Variants in CENPM observed in about 807,000 individuals in gnomAD.
CENPM encodes interphase centromere complex protein 39.
A neutral mutation model predicts 19.6 loss-of-function variants in CENPM; 14 were observed. That is an observed-to-expected ratio of 0.71 (90% confidence interval 0.47 to 1.11). The LOEUF (loss-of-function observed/expected upper bound fraction) is 1.11. Ranked by LOEUF, CENPM falls within the 50% of genes most tolerant of loss-of-function variation. The pLI is 0.00. For missense variants in CENPM, 239 were observed against 228.4 expected, an observed-to-expected ratio of 1.05 and a Z score of -0.30; for synonymous variants, 114 against 101.5, an observed-to-expected ratio of 1.12 and a Z score of -0.74.
chr22:41,930,077 G>A, the CENPM span, among the ~76,000 whole-genome samples: 1 of 151,000 alleles, frequency 6.6e-6, no homozygotes, highest in South Asian at 2.1e-4. Context: ...CCGAGTAGCT[G>A]GGACTACAGG....
At chr22:41,944,692 T>C in intron 4 of CENPM, 1 of 985,386 alleles carries the variant, frequency 1.0e-6, no homozygotes, top group Non-Finnish European at 1.2e-6. Context: ...CAGCAGGACT[T>C]TTTCAGAGAA....
At chr22:41,931,418 T>C in the CENPM span, among the ~76,000 whole-genome samples, 19 of 151,536 alleles carry the variant, frequency 1.3e-4, no homozygotes, top group African/African-American at 4.4e-4. Context: ...AGCCAGAGGT[T>C]ACAGTGAGCT....
the CENPM span, among the ~76,000 whole-genome samples, chr22:41,928,655 T>C: frequency 6.6e-6 from 1 of 151,890 alleles, no homozygotes; most frequent in East Asian, 1.9e-4. The surrounding 1 kb of genome is among the most constrained non-coding windows in gnomAD (Gnocchi z 4.0). Context: ...AAGGGGAGCC[T>C]GAGCTGCTCT....
At chr22:41,938,725 G>A (rs2077696438), downstream of CENPM, 1 of 247,362 alleles carries the variant, frequency 4.0e-6, no homozygotes, top group Non-Finnish European at 7.8e-6. Context: ...TCAAAGTGGT[G>A]AATGAGACCA....
chr22:41,944,088 G>C (rs2077770022), intron 4 of CENPM: 1 of 985,160 alleles, frequency 1.0e-6, no homozygotes, highest in Non-Finnish European at 1.2e-6. Flanking sequence ...GAGTTTTGAG[G>C]TATTTGTAGG....
At chr22:41,946,391 C>T (rs777531900) in intron 2 of CENPM, 26 bp downstream of exon 2, 2 of 1,603,458 alleles carry the variant, frequency 1.2e-6, no homozygotes, top group Non-Finnish European at 1.7e-6. Context: ...GACACGTGGG[C>T]CCAGGCCACA....
chr22:41,943,704 G>A lies in CENPM; in HGVS notation c.311-3C>T. On this transcript the variant is annotated splice_polypyrimidine_tract_variant and splice_region_variant and intron_variant, in intron 4 of 5. Coordinates refer to ENST00000215980, the MANE Select transcript of CENPM (RefSeq NM_024053.5). The stretch of plus-strand genomic sequence containing the variant: ...GCTGCAGTGGCTCTCCCGCCCAGCT[G>A]GAAAGAAGCCATGAGTGCTATAGCT... 6.2e-7 allele frequency: 1 copy of A among 1,613,002 alleles called. No individual in the cohort carries two copies.
In CENPM at chr22:41,947,134, T is replaced by G; in HGVS notation, c.-58A>C. 6.4e-7 allele frequency: 1 copy of G among 1,566,008 alleles called. No homozygotes were observed. Among genetic ancestry groups the G allele is most frequent in the Non-Finnish European group, 8.8e-7 (1 of 1,142,046 alleles). ...TGCGCGCCGATCTTTCAAACCGCCC[T>G]GAGTCCAGCCCCTAGAGCGCGGCCT... On this transcript the variant is annotated 5_prime_UTR_variant, in exon 1 of 6. Coordinates refer to ENST00000215980, the MANE Select transcript of CENPM (RefSeq NM_024053.5).
chr22:41,936,239 T>G (rs1176918307), downstream of CENPM, among the ~76,000 whole-genome samples: 2 of 152,230 alleles, frequency 1.3e-5, no homozygotes, highest in Non-Finnish European at 2.9e-5. Context: ...GGGCTGGCTC[T>G]GCTGCCAGTT....
chr22:41,940,106 T>C (rs772537601), intron 5 of CENPM: 124 of 755,184 alleles, frequency 1.6e-4, no homozygotes, highest in Non-Finnish European at 1.7e-4. Context: ...CCTTTGCTAT[T>C]GTGCTGCAGC....
In CENPM at chr22:41,939,316, A is replaced by G. The variant is rs1396728300; in HGVS notation, c.403-120T>C. 5 of 1,138,638 alleles carry G rather than the reference A, an allele frequency of 4.4e-6. No homozygotes were observed. In the East Asian group the frequency reaches 1.3e-4, roughly 30 times the overall value. 70.5% of individuals were successfully genotyped at this position (1,138,638 alleles called of 1,614,324 possible). On this transcript the variant is annotated intron_variant, in intron 5 of 5. Transcript: ENST00000215980. ...CGGATACTTGGGGGTAGCTCAGGTC[A>G]CCACTGCCCACCACAGCCACGCCCT...
chr22:41,943,792 T>A, intron 4 of CENPM, 91 bp from the exon 5 acceptor site: 9 of 1,125,808 alleles, frequency 8.0e-6, no homozygotes, highest in South Asian at 1.5e-5. Context: ...ACTTCCCCAC[T>A]CTGGGGCTCA....
rs767918810 is a variant in CENPM at position 41,945,309 on chromosome 22, G to A, written c.231-5C>T. ...GACTCCTCTGTGTTCTGGAGACTGG[G>A]GTGGCCAGGCCAGGGTGAGAAAACA... On this transcript the variant is annotated splice_region_variant and splice_polypyrimidine_tract_variant and intron_variant, in intron 3 of 5. Coordinates refer to ENST00000215980, the MANE Select transcript of CENPM (RefSeq NM_024053.5). 1 of 1,613,950 alleles carries A rather than the reference G, an allele frequency of 6.2e-7. No homozygotes were observed. The highest frequency in any genetic ancestry group is 8.5e-7 in the Non-Finnish European group (1 of 1,179,988).
the CENPM span, among the ~76,000 whole-genome samples, chr22:41,927,303 G>T: frequency 6.6e-6 from 1 of 152,134 alleles, no homozygotes; most frequent in Non-Finnish European, 1.5e-5. Flanking sequence ...GTGCTGGGAG[G>T]TGTCTGGGGG....
At chr22:41,943,480 C>T (rs1040796639) in intron 5 of CENPM, 130 bp downstream of exon 5, 1 of 724,510 alleles carries the variant, frequency 1.4e-6, no homozygotes, top group African/African-American at 1.8e-5. Flanking sequence ...CTGTGTCTCC[C>T]TCCCCTTCAG....
At chr22:41,943,568 G>A (rs371223422) in intron 5 of CENPM, 42 bp downstream of exon 5, 17 of 1,550,030 alleles carry the variant, frequency 1.1e-5, no homozygotes, top group Middle Eastern at 1.8e-4. Context: ...CCCTTTCCCC[G>A]CACCCGAGTA....
In CENPM at chr22:41,939,740, C is replaced by T. The variant is rs189581694; in HGVS notation, c.403-544G>A. On this transcript the variant is annotated intron_variant, in intron 5 of 5. Transcript: ENST00000215980. The stretch of plus-strand genomic sequence containing the variant: ...CGGGCACAGATGTTCTAGACACGTC[C>T]GCTGGAAGAACACGATGCTGCCCAG... Among the ~76,000 whole-genome samples the T allele has an allele frequency of 4.0e-3, 375 of 92,680 alleles. 5 individuals carry two copies. The highest frequency in any genetic ancestry group is 0.019 in the South Asian group (47 of 2,462). The allele number at this position is 92,680 out of a possible 152,430, so 60.8% of individuals were successfully genotyped here.
chr22:41,932,198 G>A, the CENPM span, among the ~76,000 whole-genome samples: 1 of 152,198 alleles, frequency 6.6e-6, no homozygotes. The surrounding 1 kb of genome is among the most constrained non-coding windows in gnomAD (Gnocchi z 4.3). Flanking sequence ...TCATGACAGC[G>A]CCAGGACCAC....
chr22:41,927,991 C>A, the CENPM span, among the ~76,000 whole-genome samples: 8 of 152,166 alleles, frequency 5.3e-5, no homozygotes, highest in Non-Finnish European at 1.0e-4. Context: ...GTCTAGGGAG[C>A]AGATGGGGGT....
Sources: allele counts gnomAD v4.1 joint callset (sites outside exome capture counted in the v4.1 genomes callset), GRCh38; gene constraint gnomAD v4.1.1; non-coding constraint Gnocchi (gnomAD v3.1); transcripts MANE v1.5; gene names NCBI Gene and HGNC (gene_info 2026-07-23, HGNC 2026-07-21).